Variants in POLRMT observed in about 807,000 individuals in gnomAD.
POLRMT encodes the protein DNA-directed RNA polymerase, mitochondrial.
In POLRMT, 114 loss-of-function variants were observed where a neutral mutation model predicts 132.2. The ratio of observed to expected loss-of-function variants is 0.86; its 90% CI spans 0.74 to 1.01. POLRMT has a LOEUF of 1.01. POLRMT is among the 50% of genes least tolerant of loss of function. POLRMT has a pLI of 0.00. For synonymous variants in POLRMT, 1,020 were observed against 773.4 expected, an observed-to-expected ratio of 1.32 and a Z score of -5.29; for missense variants, 2,003 against 1,729.1, an observed-to-expected ratio of 1.16 and a Z score of -2.81.
chr19:621,180 A>T lies in POLRMT; in HGVS notation c.2518T>A (p.Trp840Arg). 10 of 1,610,710 alleles carry T rather than the reference A, an allele frequency of 6.2e-6. No individual in the cohort carries two copies. The highest frequency in any genetic ancestry group is 8.5e-6 in the Non-Finnish European group (10 of 1,178,614). Residue 840 changes from tryptophan to arginine, a missense_variant, in exon 10 of 21, where the codon TGG becomes AGG. Trp to Arg is a moderately radical substitution (Grantham distance 101). Transcript: ENST00000588649. ...GRPLGPHGLD[W>R]LKIHLVNLTG... ...AGATTGACCAGGTGGATCTTGAGCC[A>T]ATCCAGGCCGTGCGGGCCGAGCGGG...
At position 625,225 on chromosome 19, in the gene POLRMT, T is replaced by A. The variant is rs116531559; in HGVS notation, c.852A>T (p.Leu284Phe). 1 of 1,614,008 alleles carries A rather than the reference T, an allele frequency of 6.2e-7. No homozygotes were observed. The highest frequency in any genetic ancestry group is 8.5e-7 in the Non-Finnish European group (1 of 1,179,970). The change falls in exon 4 of 21, where the codon TTA (leucine) becomes TTT (phenylalanine). Residue 284 changes from leucine (L) to phenylalanine (F), a missense_variant. Leu to Phe is a conservative substitution (Grantham distance 22, BLOSUM62 0). Coordinates refer to ENST00000588649, the MANE Select transcript of POLRMT (RefSeq NM_005035.4). ...QGAFKELVYV[L>F]FMVKDAGLTP... is the part of the protein sequence containing the mutation. ...TCAAGCCGGCATCCTTCACCATGAA[T>A]AACACATATACCAGCTCCTTGAAGG... is the stretch of plus-strand genomic sequence containing the variant.
chr19:622,335 C>A lies in POLRMT; in HGVS notation c.1665G>T (p.Glu555Asp). 6.4e-7 allele frequency: 1 copy of A among 1,561,466 alleles called. No homozygotes were observed. The highest frequency in any genetic ancestry group is 8.7e-7 in the Non-Finnish European group (1 of 1,154,782). ...EPCLPRQYWE[E>D]LGAPEALREQ... ...CCCGCAGGGCCTCGGGCGCCCCCAG[C>A]TCCTCCCAGTACTGCCGCGGCAGGC... Residue 555 changes from glutamate to aspartate, a missense_variant, in exon 9 of 21, where the codon GAG (glutamate) becomes GAT (aspartate). Transcript: ENST00000588649.
At chr19:633,125 C>A in intron 1 of POLRMT, 187 bp from the exon 2 acceptor site, 1 of 603,640 alleles carries the variant, frequency 1.7e-6, no homozygotes, top group Non-Finnish European at 2.7e-6. Flanking sequence ...CGAACACGGG[C>A]GCGGAACCGC....
intron 10 of POLRMT, among the ~76,000 whole-genome samples, chr19:620,710 C>T (rs1247714266): frequency 5.0e-5 from 6 of 120,986 alleles, no homozygotes; most frequent in African/African-American, 1.9e-4. Flanking sequence ...CAAGCGTGTC[C>T]GGAGCTGCCG....
rs1568173658 is a variant in POLRMT, at chr19:626,888, C to CAT, written c.823-1635_823-1634insAT. The stretch of plus-strand genomic sequence containing the variant: ...CTTGGAGACTCTGTCTTAAAATATA[C>CAT]ACACACACACATATATATATATATA... On this transcript the variant is annotated intron_variant, in intron 3 of 20. Coordinates refer to ENST00000588649, the MANE Select transcript of POLRMT (RefSeq NM_005035.4). 8.1e-4 allele frequency among the ~76,000 whole-genome samples: 115 copies of CAT among 141,128 alleles called. 1 individual carries two copies. The highest frequency in any genetic ancestry group is 2.6e-3 in the African/African-American group (95 of 37,112). The allele number at this position is 141,128 out of a possible 152,430, so 92.6% of individuals were successfully genotyped here.
chr19:632,801 C>T (rs767421896), intron 2 of POLRMT, 33 bp downstream of exon 2: 2 of 1,515,246 alleles, frequency 1.3e-6, no homozygotes, highest in Non-Finnish European at 1.8e-6. Context: ...AGCGGACTCT[C>T]CTCTCCCGGG....
rs151178174 is a variant in POLRMT, at chr19:617,833, C to T, written c.3439G>A (p.Val1147Ile). Residue 1147 changes from valine to isoleucine, a missense_variant, in exon 18 of 21, where the codon GTC (valine) becomes ATC (isoleucine). Physicochemically the swap from Val to Ile is conservative, Grantham distance 29. Transcript: ENST00000588649. ...GTCCAGTAACAGTCGTGCACAGAGA[C>T]GAAGGTCAGGCCCTTCCTGTGGCAG... is the stretch of plus-strand genomic sequence containing the variant. ...LHCYRKGLTF[V>I]SVHDCYWTHA... 5.6e-6 allele frequency: 9 copies of T among 1,613,120 alleles called. No homozygotes were observed. The highest frequency in any genetic ancestry group is 4.4e-5 in the South Asian group (4 of 91,086).
At chr19:625,706 C>T (rs971935537) in intron 3 of POLRMT, among the ~76,000 whole-genome samples, 1 of 152,152 alleles carries the variant, frequency 6.6e-6, no homozygotes, top group African/African-American at 2.4e-5. Context: ...AGATGTTTCA[C>T]TTTTTTTCCC....
intron 6 of POLRMT, 55 bp downstream of exon 6, chr19:623,399 A>T: frequency 6.3e-7 from 1 of 1,588,098 alleles, no homozygotes; most frequent in South Asian, 1.1e-5. Context: ...TGCGGTGGAC[A>T]CGCGACCCCG....
In POLRMT at chr19:622,175, C is replaced by T. The variant is rs372491457; in HGVS notation, c.1825G>A (p.Val609Met). The T allele has an allele frequency of 2.2e-4, 348 of 1,569,946 alleles. 1 individual carries two copies. Among genetic ancestry groups the T allele is most frequent in the Non-Finnish European group, 2.9e-4 (340 of 1,161,992 alleles). The change falls in exon 9 of 21, where the codon GTG becomes ATG. Residue 609 changes from valine (V) to methionine (M), a missense_variant. Coordinates refer to ENST00000588649, the MANE Select transcript of POLRMT (RefSeq NM_005035.4). ...TGCTGGACGTTGCGGAAGGAATACA[C>T]GTGGTAGAGCACGGGGACAAGCCGA... ...SSRLVPVLYH[V>M]YSFRNVQQIG...
Position 625,188 on chromosome 19 carries a change from G to C in POLRMT, c.889C>G (p.Leu297Val). 6.2e-7 allele frequency: 1 copy of C among 1,614,064 alleles called. No individual in the cohort carries two copies. The highest frequency in any genetic ancestry group is 8.5e-7 in the Non-Finnish European group (1 of 1,179,982). ...VKDAGLTPDLLSYAAALQCMG... is the reference protein window; with the variant it reads ...VKDAGLTPDLVSYAAALQCMG... ...CACTGGAGGGCAGCCGCATAGGACA[G>C]CAGGTCCGGAGTCAAGCCGGCATCC... The change falls in exon 4 of 21, where the codon CTG becomes GTG. Residue 297 changes from leucine to valine, a missense_variant. Leu to Val is a conservative substitution (Grantham distance 32). Coordinates refer to ENST00000588649, the MANE Select transcript of POLRMT (RefSeq NM_005035.4).
At chr19:618,137 G>T (rs867028609) in intron 17 of POLRMT, 10 of 566,204 alleles carry the variant, frequency 1.8e-5, no homozygotes, top group African/African-American at 1.3e-4. Context: ...TCCTGCCAGG[G>T]CCACCACCCC....
At chr19:620,670 G>C (rs557345937) in intron 10 of POLRMT, among the ~76,000 whole-genome samples, 183 bp from the exon 11 acceptor site, 2 of 150,054 alleles carry the variant, frequency 1.3e-5, no homozygotes, top group African/African-American at 2.5e-5. Flanking sequence ...ACGGATGGAG[G>C]ATGGGAGCTG....
chr19:632,538 G>GGC (rs1555678136), intron 2 of POLRMT, among the ~76,000 whole-genome samples: 1 of 131,102 alleles, frequency 7.6e-6, no homozygotes, highest in Non-Finnish European at 1.5e-5. Flanking sequence ...GGCGGGGCCG[G>GGC]GGGGGGGGTC....
Position 621,951 on chromosome 19 carries a change from C to T in POLRMT, c.1852-105G>A, listed in dbSNP as rs1007432439. On this transcript the variant is annotated intron_variant, in intron 9 of 20. Transcript: ENST00000588649. ...GGCCGGCTCCCCGGCCAACAAGAAA[C>T]CAGTGTGGCCTCCCACGAACAGAAG... 6 of 1,372,054 alleles carry T rather than the reference C, an allele frequency of 4.4e-6. No individual in the cohort carries two copies. In the African/African-American group the frequency reaches 7.3e-5, roughly 17 times the overall value. The allele number at this position is 1,372,054 out of a possible 1,614,324, so 85.0% of individuals were successfully genotyped here. A position where few individuals can be genotyped will look rare whatever the true frequency, so the allele number is the denominator to read the frequency against.
At chr19:623,971 A>G (rs962522274) in intron 5 of POLRMT, among the ~76,000 whole-genome samples, 6 of 152,254 alleles carry the variant, frequency 3.9e-5, no homozygotes, top group Non-Finnish European at 7.3e-5. Context: ...TGAATTAAAA[A>G]TAACAACTAA....
At chr19:626,612 C>G (rs1276779285) in intron 3 of POLRMT, among the ~76,000 whole-genome samples, 1 of 136,228 alleles carries the variant, frequency 7.3e-6, no homozygotes, top group Admixed American at 7.3e-5. Flanking sequence ...TAGTGAAACC[C>G]CATCTCCACT....
At position 633,438 on chromosome 19, in the gene POLRMT, G is replaced by A. The variant is rs781096359; in HGVS notation, c.75C>T (p.Leu25=). 66 of 1,553,258 alleles carry A rather than the reference G, an allele frequency of 4.2e-5. No homozygotes were observed. The African/African-American group carries it at 6.8e-4, about 16-fold the overall frequency. The part of the protein sequence containing the change: ...RALRPCGRPG[L]PGKEGTAGGV... ...CCTTTGTGTTACCTTCTTTGCCGGG[G>A]AGTCCCGGGCGGCCGCAAGGCCGTA... is the stretch of plus-strand genomic sequence containing the variant. Residue 25 remains leucine, a synonymous_variant, in exon 1 of 21, where the codon CTC becomes CTT. Transcript: ENST00000588649.
Position 620,949 on chromosome 19 carries a change from A to G in POLRMT, c.2640+109T>C, listed in dbSNP as rs1214986380. ...GGGGGCGCCAGGGGAGGGGGAGGGGAGGAGGAAGACGGGCAGGGGGCGCGG... is the reference window on the plus strand; with the variant it reads ...GGGGGCGCCAGGGGAGGGGGAGGGGGGGAGGAAGACGGGCAGGGGGCGCGG... On this transcript the variant is annotated intron_variant, in intron 10 of 20. Coordinates refer to ENST00000588649, the MANE Select transcript of POLRMT (RefSeq NM_005035.4). The G allele has an allele frequency of 3.0e-4, 89 of 296,498 alleles. 5 individuals are homozygous for G. In the Admixed American group the frequency reaches 3.7e-3, roughly 12 times the overall value. 18.4% of individuals were successfully genotyped at this position (296,498 alleles called of 1,614,324 possible).
Sources: allele counts gnomAD v4.1 joint callset (sites outside exome capture counted in the v4.1 genomes callset), GRCh38; gene constraint gnomAD v4.1.1; transcripts MANE v1.5; gene names NCBI Gene and HGNC (gene_info 2026-07-23, HGNC 2026-07-21).